Variants in PIK3R2 observed in about 807,000 individuals in gnomAD.
PIK3R2 encodes the protein phosphatidylinositol 3-kinase regulatory subunit beta.
In PIK3R2, 40 loss-of-function variants were observed where a neutral mutation model predicts 78.5. That is an observed-to-expected ratio of 0.51 (90% CI 0.40 to 0.66). The LOEUF (loss-of-function observed/expected upper bound fraction) is 0.66. Among genes scored for constraint, PIK3R2 ranks in the 30% least tolerant of loss-of-function variants. PIK3R2 has a pLI of 0.00. For missense variants in PIK3R2, 880 were observed against 1,026.6 expected (o/e 0.86, Z 1.95); for synonymous variants, 473 against 457.7 (o/e 1.03, Z -0.43).
At position 18,168,701 on chromosome 19, in the gene PIK3R2, TC is replaced by T; in HGVS notation, c.1809-21del. 1 of 1,563,898 alleles carries T rather than the reference TC, an allele frequency of 6.4e-7. No individual in the cohort carries two copies. ...GCTGGCAGGTGAGTGACCAGGGCCC[TC>T]CCCGCCACCGCCCCCCACCCCAGCC... On this transcript the variant is annotated intron_variant, in intron 14 of 15. Coordinates refer to ENST00000222254, the MANE Select transcript of PIK3R2 (RefSeq NM_005027.4). This position sits in a 1 kb window ranked among gnomAD's most constrained non-coding sequence, Gnocchi z 4.1.
chr19:18,156,190 C>A lies in PIK3R2; in HGVS notation c.311C>A (p.Ala104Asp), dbSNP rs770694944. Residue 104 changes from alanine (A) to aspartate (D), a missense_variant, in exon 2 of 16, where the codon GCC becomes GAC. Around this residue, in one of 3 missense-constraint regions of PIK3R2, gnomAD observed 456 missense variants for 486.6 expected, o/e 0.94. Coordinates refer to ENST00000222254, the MANE Select transcript of PIK3R2 (RefSeq NM_005027.4). The surrounding 1 kb of genome is among the most constrained non-coding windows in gnomAD (Gnocchi z 4.2). ...RPLPARPRDG[A>D]PEPGLTLPDL... ...CTGCCCGCCAGGCCCCGTGATGGGG[C>A]CCCTGAGCCAGGTGAGCAGCAAGCA... 5 of 1,461,098 alleles carry A rather than the reference C, an allele frequency of 3.4e-6. No homozygotes were observed. In the Admixed American group the frequency reaches 1.1e-4, roughly 32 times the overall value. 90.5% of individuals were successfully genotyped at this position (1,461,098 alleles called of 1,614,324 possible). A position where few individuals can be genotyped will look rare whatever the true frequency, so the allele number is the denominator to read the frequency against.
intron 9 of PIK3R2, 135 bp from the exon 10 acceptor site, chr19:18,162,832 G>C (rs1455583945): frequency 1.2e-5 from 9 of 751,542 alleles, no homozygotes; most frequent in Non-Finnish European, 1.9e-5. Flanking sequence ...GGAGGTTGCA[G>C]TGAGCCGAAA....
intron 11 of PIK3R2, among the ~76,000 whole-genome samples, chr19:18,164,595 C>T (rs200817905): frequency 6.6e-6 from 1 of 151,666 alleles, no homozygotes; most frequent in Non-Finnish European, 1.5e-5. Context: ...ATTCCTCAGT[C>T]GTCCCTAGTA....
chr19:18,162,976 G>A lies in PIK3R2; in HGVS notation c.1119G>A (p.Gly373=). The change falls in exon 10 of 16, where the codon GGG becomes GGA. Residue 373 remains glycine (G), a synonymous_variant. Coordinates refer to ENST00000222254, the MANE Select transcript of PIK3R2 (RefSeq NM_005027.4). ...GEYTLTLRKG[G]NNKLIKVFHR... ...CCCTCTCCTCCCCCAGGAAAGGCGGGAACAATAAGCTGATCAAGGTCTTCC... is the reference window on the plus strand; with the variant it reads ...CCCTCTCCTCCCCCAGGAAAGGCGGAAACAATAAGCTGATCAAGGTCTTCC... The A allele has an allele frequency of 1.9e-6, 3 of 1,613,400 alleles. No individual in the cohort carries two copies. The highest frequency in any genetic ancestry group is 2.5e-6 in the Non-Finnish European group (3 of 1,179,676).
chr19:18,156,462 G>A lies in PIK3R2; in HGVS notation c.322+261G>A, dbSNP rs746769202. On this transcript the variant is annotated intron_variant, in intron 2 of 15. Coordinates refer to ENST00000222254, the MANE Select transcript of PIK3R2 (RefSeq NM_005027.4). The surrounding 1 kb of genome is among the most constrained non-coding windows in gnomAD (Gnocchi z 4.2). ...GAAGGGGGCTTGCGTGGGAAGATGC[G>A]AGGGTGGAAGCTCAAGGCAGTGGGG... is the stretch of plus-strand genomic sequence containing the variant. 6.9e-4 allele frequency among the ~76,000 whole-genome samples: 105 copies of A among 152,276 alleles called. 1 individual carries two copies. In the Middle Eastern group the frequency reaches 0.014, roughly 20 times the overall value.
At chr19:18,158,735 G>A (rs1296851779) in intron 2 of PIK3R2, among the ~76,000 whole-genome samples, 1 of 152,232 alleles carries the variant, frequency 6.6e-6, no homozygotes, top group Non-Finnish European at 1.5e-5. Context: ...GGTTGTGGCA[G>A]AGCCCAAACC....
At position 18,162,041 on chromosome 19, in the gene PIK3R2, T is replaced by C; in HGVS notation, c.891T>C (p.Val297=). ...LLQEHLEEQE[V]APPALPPKPP... ...AGGAACACTTGGAAGAGCAGGAGGT[T>C]GCGCCCCCAGGTGAGTCCCCTGTAT... Residue 297 remains valine, a synonymous_variant, in exon 7 of 16, where the codon GTT becomes GTC. Coordinates refer to ENST00000222254, the MANE Select transcript of PIK3R2 (RefSeq NM_005027.4). 1.2e-6 allele frequency: 2 copies of C among 1,613,846 alleles called. No homozygotes were observed. Among genetic ancestry groups the C allele is most frequent in the South Asian group, 2.2e-5 (2 of 91,076 alleles).
intron 2 of PIK3R2, 89 bp from the exon 3 acceptor site, chr19:18,160,382 G>A: frequency 1.2e-6 from 1 of 820,056 alleles, no homozygotes; most frequent in Non-Finnish European, 2.1e-6. Context: ...GCCTCAAACT[G>A]CCCCAGCTGA....
In PIK3R2 at chr19:18,156,296, GGA is replaced by G; in HGVS notation, c.322+97_322+98del. 7.3e-6 allele frequency: 7 copies of G among 965,032 alleles called. No homozygotes were observed. Among genetic ancestry groups the G allele is most frequent in the Non-Finnish European group, 1.0e-5 (7 of 687,040 alleles). 59.8% of individuals were successfully genotyped at this position (965,032 alleles called of 1,614,324 possible). A position where few individuals can be genotyped will look rare whatever the true frequency, so the allele number is the denominator to read the frequency against. On this transcript the variant is annotated intron_variant, in intron 2 of 15. Transcript: ENST00000222254. The surrounding 1 kb of genome is among the most constrained non-coding windows in gnomAD (Gnocchi z 4.2). ...GTGAGGCAATGGGATCTCCAAGGAA[GGA>G]GGAAAAAGGACATTTGGTCATTTGA...
intron 2 of PIK3R2, among the ~76,000 whole-genome samples, chr19:18,157,734 CTTTTTTT>C (rs55946610): frequency 7.9e-6 from 1 of 127,086 alleles, no homozygotes; most frequent in Non-Finnish European, 1.6e-5. Flanking sequence ...TGTCCTTTTC[CTTTTTTT>C]TTTTTTTTTT....
intron 11 of PIK3R2, among the ~76,000 whole-genome samples, chr19:18,164,690 C>G (rs1009946049): frequency 2.7e-4 from 39 of 145,632 alleles, no homozygotes; most frequent in Non-Finnish European, 4.3e-4. Context: ...GGCTAGAGTG[C>G]TGTGGCATGA....
chr19:18,154,135 G>A (rs1015058740), intron 1 of PIK3R2, among the ~76,000 whole-genome samples: 2 of 152,056 alleles, frequency 1.3e-5, no homozygotes, highest in Admixed American at 1.3e-4. Context: ...TGCCTGTCGC[G>A]CCTTCCTATC....
rs1484957974 is a variant in PIK3R2, at chr19:18,161,546, G to A, written c.815+51G>A. The A allele has an allele frequency of 3.5e-6, 2 of 570,850 alleles. No homozygotes were observed. Among genetic ancestry groups the A allele is most frequent in the Admixed American group, 8.9e-5 (2 of 22,368 alleles). 35.4% of individuals were successfully genotyped at this position (570,850 alleles called of 1,614,324 possible). On this transcript the variant is annotated intron_variant, in intron 6 of 15. Coordinates refer to ENST00000222254, the MANE Select transcript of PIK3R2 (RefSeq NM_005027.4). The surrounding 1 kb of genome is among the most constrained non-coding windows in gnomAD (Gnocchi z 5.3). ...GAGCAGGGGTGGAGTTTGGGGTGGG[G>A]CGGGCGGGGCATGGCCAGAGTGAGC...
chr19:18,166,367 G>A, intron 12 of PIK3R2, 65 bp downstream of exon 12: 1 of 1,377,722 alleles, frequency 7.3e-7, no homozygotes, highest in East Asian at 2.3e-5. Context: ...GCCAGGGAGG[G>A]AAGGAAGCAG....
chr19:18,165,072 A>G (rs1349822906), intron 11 of PIK3R2, among the ~76,000 whole-genome samples: 12 of 151,554 alleles, frequency 7.9e-5, no homozygotes, highest in Non-Finnish European at 1.6e-4. Flanking sequence ...TACCAAAAAG[A>G]TAAAAAAATT....
In PIK3R2 at chr19:18,162,312, T is replaced by G. The variant is rs2147951958; in HGVS notation, c.1010+2T>G. On this transcript the variant is annotated splice_donor_variant, in intron 8 of 15. Transcript: ENST00000222254. LOFTEE classifies it high-confidence loss of function. ...GTGGTACTGGGGGGACATTTCAAGG[T>G]AGGTTGCTGGCAGGGGGCCAGGGAC... The G allele has an allele frequency of 6.2e-7, 1 of 1,601,592 alleles. No homozygotes were observed. Among genetic ancestry groups the G allele is most frequent in the East Asian group, 2.2e-5 (1 of 44,776 alleles).
chr19:18,159,163 T>TTTTTTTTTTA (rs1555813899), intron 2 of PIK3R2, among the ~76,000 whole-genome samples: 1 of 140,362 alleles, frequency 7.1e-6, no homozygotes, highest in South Asian at 2.3e-4. Flanking sequence ...TTTTTTTTTT[T>TTTTTTTTTTA]AAATTATTTA....
intron 11 of PIK3R2, among the ~76,000 whole-genome samples, chr19:18,163,642 A>G (rs759492735): frequency 6.6e-6 from 1 of 152,134 alleles, no homozygotes; most frequent in African/African-American, 2.4e-5. Context: ...TAGGCAACAT[A>G]GGGAGACCCG....
rs1599973763 is a variant in PIK3R2 at position 18,161,441 on chromosome 19, T to C, written c.761T>C (p.Leu254Pro). 8.3e-7 allele frequency: 1 copy of C among 1,204,444 alleles called. No individual in the cohort carries two copies. 74.6% of individuals were successfully genotyped at this position (1,204,444 alleles called of 1,614,324 possible). ...CTGGGCGCCACCTTTGGGCCGCTGC[T>C]GCTGCGCGCGCCGCCGCCGCCGTCC... The part of the protein sequence containing the change: ...RALGATFGPL[L>P]LRAPPPPSSP... The change falls in exon 6 of 16, where the codon CTG (leucine) becomes CCG (proline). Residue 254 changes from leucine to proline, a missense_variant. Leu to Pro is a moderately conservative substitution (Grantham distance 98). Coordinates refer to ENST00000222254, the MANE Select transcript of PIK3R2 (RefSeq NM_005027.4). The surrounding 1 kb of genome is among the most constrained non-coding windows in gnomAD (Gnocchi z 5.3).
Sources: allele counts gnomAD v4.1 joint callset (sites outside exome capture counted in the v4.1 genomes callset), GRCh38; gene constraint gnomAD v4.1.1; regional missense constraint gnomAD v4.1.1; non-coding constraint Gnocchi (gnomAD v3.1); transcripts MANE v1.5; gene names NCBI Gene and HGNC (gene_info 2026-07-23, HGNC 2026-07-21).